The following PCDHA9 variants were observed in gnomAD, a reference collection of about 807,000 sequenced individuals.
PCDHA9 encodes protocadherin alpha 9, also known as protocadherin alpha-9.
A neutral mutation model predicts 62.0 loss-of-function variants in PCDHA9; 62 were observed. The ratio of observed to expected loss-of-function variants is 1.00; its 90% confidence interval spans 0.81 to 1.23. The LOEUF (loss-of-function observed/expected upper bound fraction) is 1.23, where lower values mean the gene tolerates loss of function less well. PCDHA9 is among the 50% of genes most tolerant of loss of function. PCDHA9 has a pLI of 0.00. For synonymous variants in PCDHA9, 557 were observed against 567.6 expected (o/e 0.98, Z 0.27); for missense variants, 1,205 against 1,249.8 (o/e 0.96, Z 0.54).
chr5:140,913,552 T>A (rs1474729453), intron 1 of PCDHA9, among the ~76,000 whole-genome samples: 1 of 152,166 alleles, frequency 6.6e-6, no homozygotes, highest in African/African-American at 2.4e-5. Context: ...GTTTTGTTGA[T>A]CTCTTGTATT....
intron 3 of PCDHA9, among the ~76,000 whole-genome samples, chr5:141,000,421 A>ATATT (rs1265241806): frequency 1.1e-4 from 3 of 27,978 alleles, no homozygotes; most frequent in Non-Finnish European, 1.7e-4. Flanking sequence ...ATATATATAT[A>ATATT]TTTTTTTTTT....
intron 1 of PCDHA9, chr5:140,851,271 T>C: frequency 1.9e-6 from 2 of 1,067,438 alleles, no homozygotes; most frequent in South Asian, 8.1e-5. Flanking sequence ...TCTACTTGTA[T>C]TGTTTATAAG....
rs1301631971 is a variant in PCDHA9, at chr5:141,011,367, C to G, written c.*1430C>G. ...CAATCTCCCATATGTATGCTGTATG[C>G]TATGCTAAGACTCCTGAAATATACT... On this transcript the variant is annotated 3_prime_UTR_variant, in exon 4 of 4. Transcript: ENST00000532602. The G allele has an allele frequency of 1.3e-5, 2 of 153,830 alleles. No homozygotes were observed. The highest frequency in any genetic ancestry group is 1.3e-4 in the Admixed American group (2 of 15,298). 9.5% of individuals were successfully genotyped at this position (153,830 alleles called of 1,614,324 possible). A position where few individuals can be genotyped will look rare whatever the true frequency, so the allele number is the denominator to read the frequency against.
intron 1 of PCDHA9, chr5:140,851,534 A>G: frequency 1.1e-6 from 1 of 902,820 alleles, no homozygotes; most frequent in Non-Finnish European, 1.4e-6. Flanking sequence ...CTGACAATGT[A>G]GATAATTCAA....
chr5:140,857,377 G>A (rs1347476888), intron 1 of PCDHA9: 1 of 1,598,358 alleles, frequency 6.3e-7, no homozygotes, highest in African/African-American at 1.3e-5. Context: ...TGTCTGTGGA[G>A]GTGGCCGACG....
At chr5:140,876,343 T>A (rs1196276310) in intron 1 of PCDHA9, 2 of 1,613,854 alleles carry the variant, frequency 1.2e-6, no homozygotes, top group African/African-American at 2.7e-5. Flanking sequence ...GAGTGAGAAA[T>A]GTATGTTTTC....
chr5:140,915,606 C>A (rs2077190807), intron 1 of PCDHA9, among the ~76,000 whole-genome samples: 1 of 150,452 alleles, frequency 6.6e-6, no homozygotes, highest in African/African-American at 2.5e-5. Context: ...CCCTTACTTT[C>A]TGTCAAACAG....
intron 1 of PCDHA9, among the ~76,000 whole-genome samples, chr5:140,947,749 T>TC (rs1316656181): frequency 6.6e-6 from 1 of 151,628 alleles, no homozygotes; most frequent in Non-Finnish European, 1.5e-5. Flanking sequence ...TCTTATGTAT[T>TC]TTATGGTTTA....
At chr5:140,898,972 C>G (rs1180112967) in intron 1 of PCDHA9, among the ~76,000 whole-genome samples, 2 of 151,980 alleles carry the variant, frequency 1.3e-5, no homozygotes, top group African/African-American at 4.8e-5. Flanking sequence ...GGAGTTCACT[C>G]ATGATTTGGC....
chr5:140,988,622 ATGTCCTGGTTTTC>A (rs2097306090), intron 3 of PCDHA9, among the ~76,000 whole-genome samples: 1 of 152,124 alleles, frequency 6.6e-6, no homozygotes, highest in Non-Finnish European at 1.5e-5. Context: ...TAGAATGGAG[ATGTCCTGGTTTTC>A]TGAAATTAAA....
At chr5:140,962,280 A>C (rs1244354033) in intron 1 of PCDHA9, among the ~76,000 whole-genome samples, 1 of 152,224 alleles carries the variant, frequency 6.6e-6, no homozygotes, top group Non-Finnish European at 1.5e-5. Flanking sequence ...AAAAAACCTC[A>C]ACCTTTAATA....
chr5:140,852,885 A>ATT, intron 1 of PCDHA9: 58 of 777,210 alleles, frequency 7.5e-5, no homozygotes, highest in Non-Finnish European at 8.7e-5. Flanking sequence ...CATAAAACGT[A>ATT]TTTTTTTTTT....
intron 1 of PCDHA9, chr5:140,858,332 C>T: frequency 6.3e-7 from 1 of 1,596,258 alleles, no homozygotes; most frequent in East Asian, 2.2e-5. Context: ...TGGGGAGGGC[C>T]TGCCCAAGGC....
chr5:140,873,431 A>G (rs1395359965), intron 1 of PCDHA9, among the ~76,000 whole-genome samples: 1 of 152,228 alleles, frequency 6.6e-6, no homozygotes, highest in African/African-American at 2.4e-5. Context: ...ATTATTTTAT[A>G]TCACATAAAT....
chr5:140,936,275 T>C (rs1423652397), intron 1 of PCDHA9, among the ~76,000 whole-genome samples: 1 of 152,216 alleles, frequency 6.6e-6, no homozygotes, highest in African/African-American at 2.4e-5. Context: ...TATATTCCTG[T>C]GTTTTCTTCT....
intron 1 of PCDHA9, chr5:140,930,401 T>G (rs1554207785): frequency 6.6e-6 from 1 of 152,210 alleles, no homozygotes; most frequent in African/African-American, 2.4e-5. Context: ...TTCTTTTTTT[T>G]TTTTGAGACA....
intron 1 of PCDHA9, chr5:140,852,303 A>G: frequency 4.8e-6 from 2 of 418,848 alleles, no homozygotes; most frequent in Non-Finnish European, 6.7e-6. Flanking sequence ...TCTGAGACGG[A>G]GTCGTTTTCT....
At position 140,851,390 on chromosome 5, in the gene PCDHA9, C is replaced by A. The variant is rs1410826615; in HGVS notation, c.2394+501C>A. The A allele has an allele frequency of 2.3e-5, 22 of 973,626 alleles. 2 individuals are homozygous for A. In the African/African-American group the frequency reaches 3.7e-4, roughly 16 times the overall value. The allele number at this position is 973,626 out of a possible 1,614,324, so 60.3% of individuals were successfully genotyped here. A position where few individuals can be genotyped will look rare whatever the true frequency, so the allele number is the denominator to read the frequency against. On this transcript the variant is annotated intron_variant, in intron 1 of 3. Transcript: ENST00000532602. ...CTGATTGTTCAGCAACCTTCAGTAT[C>A]TATTATTTTAATAAGAAAGAAACTT...
At chr5:140,987,262 G>A (rs563934474) in intron 3 of PCDHA9, among the ~76,000 whole-genome samples, 1 of 151,978 alleles carries the variant, frequency 6.6e-6, no homozygotes, top group South Asian at 2.1e-4. Context: ...TCTCAGGAAT[G>A]GGACCCGGCA....
Sources: gnomAD v4.1 joint callset for allele counts (sites outside exome capture counted in the v4.1 genomes callset) on GRCh38, gnomAD v4.1.1 for gene constraint, MANE v1.5 for transcripts, NCBI Gene and HGNC (gene_info 2026-07-23, HGNC 2026-07-21) for gene names.